Variants in TNS4 observed in about 807,000 individuals in gnomAD.
TNS4 encodes the protein tensin-4.
A neutral mutation model predicts 70.4 loss-of-function variants in TNS4; 46 were observed. The observed-to-expected ratio is 0.65, with a 90% CI of 0.52 to 0.84. TNS4 has a LOEUF of 0.84. TNS4 is among the 40% of genes least tolerant of loss of function. The probability of loss-of-function intolerance (pLI) is 0.00; values close to 1 mark genes in which losing one functional copy is unlikely to be tolerated. For synonymous variants in TNS4, 390 were observed against 366.6 expected, an observed-to-expected ratio of 1.06 and a Z score of -0.73; for missense variants, 863 against 907.0, an observed-to-expected ratio of 0.95 and a Z score of 0.62.
At chr17:40,499,910 C>T (rs1309600551) in intron 1 of TNS4, among the ~76,000 whole-genome samples, 1 of 152,228 alleles carries the variant, frequency 6.6e-6, no homozygotes, top group Non-Finnish European at 1.5e-5. Context: ...CCCAGTATAC[C>T]TGCTTACTAA....
intron 9 of TNS4, 77 bp downstream of exon 9, chr17:40,480,623 C>T (rs973868777): frequency 7.4e-6 from 10 of 1,346,392 alleles, no homozygotes; most frequent in East Asian, 2.8e-5. Context: ...TGCGTGCATG[C>T]GTGCGTGTGT....
intron 8 of TNS4, among the ~76,000 whole-genome samples, chr17:40,481,613 G>T (rs2035922618): frequency 6.6e-6 from 1 of 152,176 alleles, no homozygotes; most frequent in Non-Finnish European, 1.5e-5. Context: ...TGATCTGCCC[G>T]CCTTGGCCTC....
At chr17:40,488,047 C>A (rs2036015209) in intron 3 of TNS4, among the ~76,000 whole-genome samples, 1 of 152,208 alleles carries the variant, frequency 6.6e-6, no homozygotes, top group Admixed American at 6.5e-5. Flanking sequence ...CTTCCTGGGG[C>A]AGAATGGGTG....
In TNS4 at chr17:40,482,315, G is replaced by A. The variant is rs756069315; in HGVS notation, c.1594+9C>T. On this transcript the variant is annotated intron_variant, in intron 7 of 12. Transcript: ENST00000254051. ...ATCCCGGGGGAGCCTGGAGGCTGGG[G>A]AGTCTCACCAAAGTAGGGCTCCTCA... The A allele has an allele frequency of 6.2e-7, 1 of 1,614,146 alleles. No homozygotes were observed. Among genetic ancestry groups the A allele is most frequent in the African/African-American group, 1.3e-5 (1 of 75,054 alleles).
intron 1 of TNS4, among the ~76,000 whole-genome samples, chr17:40,498,133 C>T (rs548978050): frequency 6.6e-6 from 1 of 152,174 alleles, no homozygotes; most frequent in East Asian, 1.9e-4. Context: ...TCTTTCTTCT[C>T]GTTGCCAAAA....
chr17:40,492,250 C>T (rs942631092), intron 2 of TNS4, among the ~76,000 whole-genome samples: 3 of 152,246 alleles, frequency 2.0e-5, no homozygotes, highest in Admixed American at 6.5e-5. Context: ...TGACCTATCT[C>T]TCCCTGACTG....
At position 40,476,101 on chromosome 17, in the gene TNS4, G is replaced by C. The variant is rs1327495869; in HGVS notation, c.*1487C>G. On this transcript the variant is annotated 3_prime_UTR_variant, in exon 13 of 13. Transcript: ENST00000254051. ...CTTTGGCAGGGCTGGCTGCTGGGAG[G>C]GGGCAGGCACTTGCTCCTCGTAGAG... The C allele has an allele frequency of 6.6e-6, 1 of 152,134 alleles. No homozygotes were observed. The highest frequency in any genetic ancestry group is 2.4e-5 in the African/African-American group (1 of 41,432). The allele number at this position is 152,134 out of a possible 1,614,324, so 9.4% of individuals were successfully genotyped here.
chr17:40,477,971 G>C, intron 12 of TNS4: 1 of 601,578 alleles, frequency 1.7e-6, no homozygotes, highest in Non-Finnish European at 2.9e-6. Flanking sequence ...GGCTCCTTGA[G>C]GACAGGACCT....
chr17:40,476,154 C>A lies in TNS4; in HGVS notation c.*1434G>T, dbSNP rs1457496985. ...AGAGTGGGTTTCTTCCCTGACCCTC[C>A]CTTCCACCCCGGTAGGGTGGTTTCC... On this transcript the variant is annotated 3_prime_UTR_variant, in exon 13 of 13. Transcript: ENST00000254051. 1 of 150,644 alleles carries A rather than the reference C, an allele frequency of 6.6e-6. No individual in the cohort carries two copies. The highest frequency in any genetic ancestry group is 2.4e-5 in the African/African-American group (1 of 40,892). 9.3% of individuals were successfully genotyped at this position (150,644 alleles called of 1,614,324 possible).
intron 6 of TNS4, among the ~76,000 whole-genome samples, chr17:40,483,237 C>T (rs2035949915): frequency 1.3e-5 from 2 of 151,952 alleles, no homozygotes; most frequent in Admixed American, 6.6e-5. Flanking sequence ...GACAGGGTCT[C>T]ATTCTTTGGT....
At chr17:40,478,196 G>A (rs922220697) in intron 12 of TNS4, 111 bp downstream of exon 12, 15 of 1,403,174 alleles carry the variant, frequency 1.1e-5, no homozygotes, top group Non-Finnish European at 1.5e-5. Context: ...TGAGGACCAG[G>A]GCCTGTGCCC....
At chr17:40,483,370 TG>T (rs1286275192) in intron 6 of TNS4, among the ~76,000 whole-genome samples, 3 of 152,044 alleles carry the variant, frequency 2.0e-5, no homozygotes, top group African/African-American at 7.2e-5. Flanking sequence ...CCACCACACC[TG>T]GGTAATTTTT....
chr17:40,484,699 A>G (rs544812167), intron 5 of TNS4, 90 bp from the exon 6 acceptor site: 1 of 1,560,048 alleles, frequency 6.4e-7, no homozygotes, highest in Admixed American at 1.8e-5. Context: ...CAGATGTTAC[A>G]GAGTCACCTT....
intron 6 of TNS4, among the ~76,000 whole-genome samples, chr17:40,483,883 C>G (rs150696052): frequency 5.3e-5 from 8 of 152,254 alleles, no homozygotes; most frequent in Non-Finnish European, 1.0e-4. Flanking sequence ...TTGAGTGAGG[C>G]CTATGACCCA....
chr17:40,482,450 A>T (rs771785875), intron 6 of TNS4, 34 bp from the exon 7 acceptor site: 1 of 1,609,398 alleles, frequency 6.2e-7, no homozygotes, highest in Non-Finnish European at 8.5e-7. Flanking sequence ...TTCGGATAGA[A>T]TTCCACCTTG....
chr17:40,499,236 G>A (rs536716168), intron 1 of TNS4, among the ~76,000 whole-genome samples: 3 of 151,974 alleles, frequency 2.0e-5, no homozygotes, highest in South Asian at 2.1e-4. Flanking sequence ...CGTAATTACC[G>A]GTGCGTGCAG....
At chr17:40,485,195 C>T (rs1193814645) in intron 4 of TNS4, among the ~76,000 whole-genome samples, 188 bp from the exon 5 acceptor site, 1 of 152,198 alleles carries the variant, frequency 6.6e-6, no homozygotes, top group Admixed American at 6.5e-5. Flanking sequence ...CAGAAGGATG[C>T]CAGGGTTTGG....
chr17:40,477,752 G>T (rs769724880), intron 12 of TNS4, 23 bp from the exon 13 acceptor site: 1 of 1,611,210 alleles, frequency 6.2e-7, no homozygotes, highest in Non-Finnish European at 8.5e-7. Flanking sequence ...GGCAGTCTGA[G>T]TGAGGGGTGG....
At chr17:40,500,286 G>A (rs1460833805) in intron 1 of TNS4, among the ~76,000 whole-genome samples, 2 of 152,224 alleles carry the variant, frequency 1.3e-5, no homozygotes, top group East Asian at 1.9e-4. Flanking sequence ...CAGCCCCTAC[G>A]CTCCTCTTCA....
Sources: allele counts gnomAD v4.1 joint callset (sites outside exome capture counted in the v4.1 genomes callset), GRCh38; gene constraint gnomAD v4.1.1; transcripts MANE v1.5; gene names NCBI Gene and HGNC (gene_info 2026-07-23, HGNC 2026-07-21).